NOX5: variants seen among roughly 807,000 people sequenced by gnomAD.
NOX5 encodes NADPH oxidase, EF-hand calcium binding domain 5.
NOX5 carries 76 observed loss-of-function variants against 85.7 expected under a neutral mutation model. The ratio of observed to expected loss-of-function variants is 0.89; its 90% CI spans 0.74 to 1.07. NOX5 has a LOEUF of 1.07. NOX5 is among the 50% of genes least tolerant of loss of function. NOX5 has a pLI of 0.00. For synonymous variants in NOX5, 405 were observed against 401.4 expected (o/e 1.01, Z -0.11); for missense variants, 973 against 999.5 (o/e 0.97, Z 0.36).
At chr15:69,033,676 GTTTTTTTTTTTCTTTCTTTTTTTTC>G (rs2050471838) in intron 5 of NOX5, among the ~76,000 whole-genome samples, 1 of 135,036 alleles carries the variant, frequency 7.4e-6, no homozygotes, top group Non-Finnish European at 1.6e-5. Context: ...TCTAAGAGGT[GTTTTTTTTTTTCTTTCTTTTTTTTC>G]TTTTTTTTTT....
intron 7 of NOX5, 92 bp downstream of exon 7, chr15:69,036,028 G>A: frequency 2.6e-6 from 4 of 1,545,816 alleles, no homozygotes; most frequent in Non-Finnish European, 1.8e-6. Flanking sequence ...CAGAGCCCAG[G>A]AAGGTCCCAA....
At chr15:69,047,387 C>T (rs1342920781) in intron 11 of NOX5, 26 bp from the exon 12 acceptor site, 1 of 1,559,702 alleles carries the variant, frequency 6.4e-7, no homozygotes, top group Middle Eastern at 1.7e-4. Flanking sequence ...CCCCATCTCT[C>T]TTCTCTGATG....
rs1022686125 is a variant in NOX5, at chr15:69,025,182, T to G, written c.51-1346T>G. The stretch of plus-strand genomic sequence containing the variant: ...TGCCTTGTTTTATGTGTGTTTCTAT[T>G]TAAAGACACCTTTAAAATATGTATT... On this transcript the variant is annotated intron_variant, in intron 1 of 15. Coordinates refer to ENST00000388866, the MANE Select transcript of NOX5 (RefSeq NM_024505.4). Among the ~76,000 whole-genome samples, 19 of 152,334 alleles carry G rather than the reference T, an allele frequency of 1.2e-4. No individual in the cohort carries two copies. In the East Asian group the frequency reaches 3.5e-3, roughly 28 times the overall value.
At chr15:69,045,302 A>G (rs1191152729) in intron 10 of NOX5, among the ~76,000 whole-genome samples, 1 of 152,256 alleles carries the variant, frequency 6.6e-6, no homozygotes, top group African/African-American at 2.4e-5. Context: ...AATTGTATTC[A>G]AAACAAGTCA....
chr15:69,030,415 C>T (rs2050413611), intron 3 of NOX5: 1 of 152,050 alleles, frequency 6.6e-6, no homozygotes, highest in Admixed American at 6.6e-5. Flanking sequence ...CTGGCTTCAC[C>T]CAGGGATGGG....
intron 1 of NOX5, among the ~76,000 whole-genome samples, chr15:69,021,606 G>A (rs1036856836): frequency 1.3e-4 from 20 of 152,132 alleles, no homozygotes; most frequent in Non-Finnish European, 2.1e-4. Flanking sequence ...GTGAGCCACC[G>A]CACCTAGCCT....
rs1466137058 is a variant in NOX5, at chr15:69,055,403, T to C, written c.2069T>C (p.Leu690Pro). The change falls in exon 15 of 16, where the codon CTG (leucine) becomes CCG (proline). Residue 690 changes from leucine to proline, a missense_variant. Coordinates refer to ENST00000388866, the MANE Select transcript of NOX5 (RefSeq NM_024505.4). ...LGKNDMKAIG[L>P]QMALDLLANK... ...AAGAATGACATGAAGGCCATTGGCCTGCAGATGGCCCTTGACCTCCTGGCC... is the reference window on the plus strand; with the variant it reads ...AAGAATGACATGAAGGCCATTGGCCCGCAGATGGCCCTTGACCTCCTGGCC... The C allele has an allele frequency of 3.7e-6, 6 of 1,614,072 alleles. No individual in the cohort carries two copies. The highest frequency in any genetic ancestry group is 5.1e-6 in the Non-Finnish European group (6 of 1,180,028).
intron 1 of NOX5, among the ~76,000 whole-genome samples, chr15:69,017,757 CTT>C (rs750292984): frequency 2.0e-5 from 3 of 151,244 alleles, no homozygotes; most frequent in Non-Finnish European, 2.9e-5. Flanking sequence ...TAGTTTGACT[CTT>C]TGTTGATATA....
chr15:69,022,585 A>C, intron 1 of NOX5: 1 of 163,656 alleles, frequency 6.1e-6, no homozygotes, highest in Admixed American at 6.3e-5. Flanking sequence ...TTCAGGTTAC[A>C]TGGTACAGGA....
At position 69,047,423 on chromosome 15, in the gene NOX5, A is replaced by T. The variant is rs1192433683; in HGVS notation, c.1703A>T (p.Asp568Val). 1 of 1,613,400 alleles carries T rather than the reference A, an allele frequency of 6.2e-7. No individual in the cohort carries two copies. The stretch of plus-strand genomic sequence containing the variant: ...CCCTCTTGTGCACAGTGCTACATCG[A>T]TGGGCCTTATGGGACCCCCACCCGC... ...HKFCNIKCYIDGPYGTPTRRI... is the reference protein window; with the variant it reads ...HKFCNIKCYIVGPYGTPTRRI... The change falls in exon 12 of 16, where the codon GAT (aspartate) becomes GTT (valine). Residue 568 changes from aspartate (D) to valine (V), a missense_variant. Transcript: ENST00000388866.
At position 69,026,453 on chromosome 15, in the gene NOX5, G is replaced by T. The variant is rs1426320211; in HGVS notation, c.51-75G>T. The T allele has an allele frequency of 3.8e-6, 6 of 1,596,378 alleles. No homozygotes were observed. The East Asian group carries it at 1.3e-4, about 36-fold the overall frequency. ...GGGCCCTAGTTAGAGCAAGGCAGAG[G>T]CCCTGGGACCACCATGAGACCTCAT... On this transcript the variant is annotated intron_variant, in intron 1 of 15. Coordinates refer to ENST00000388866, the MANE Select transcript of NOX5 (RefSeq NM_024505.4).
At chr15:69,038,489 T>C in intron 8 of NOX5, 1 of 309,852 alleles carries the variant, frequency 3.2e-6, no homozygotes, top group East Asian at 9.0e-5. Flanking sequence ...TGCCCATTGA[T>C]GGTTAGAATG....
intron 6 of NOX5, 54 bp from the exon 7 acceptor site, chr15:69,035,704 G>A (rs2050506160): frequency 1.3e-6 from 2 of 1,591,932 alleles, no homozygotes; most frequent in Non-Finnish European, 1.7e-6. Context: ...ATGGGAAGGT[G>A]GAGTGGGAAG....
chr15:69,024,548 A>G (rs1390869405), intron 1 of NOX5, among the ~76,000 whole-genome samples: 1 of 152,198 alleles, frequency 6.6e-6, no homozygotes, highest in Non-Finnish European at 1.5e-5. Context: ...AAGAAGGGTT[A>G]GTACAGTAAA....
chr15:69,032,829 T>C (rs2140259358), intron 4 of NOX5, among the ~76,000 whole-genome samples: 1 of 152,304 alleles, frequency 6.6e-6, no homozygotes, highest in Admixed American at 6.5e-5. Context: ...AAAATAGCGG[T>C]GGTTGTGGCA....
intron 15 of NOX5, among the ~76,000 whole-genome samples, chr15:69,055,880 C>T (rs1243442432): frequency 1.3e-5 from 2 of 152,188 alleles, no homozygotes; most frequent in Non-Finnish European, 2.9e-5. Flanking sequence ...AAATCGTTTG[C>T]AATCCTTTTA....
rs1051309156 is a variant in NOX5 at position 69,060,891 on chromosome 15, T to C, written c.*4195T>C. ...GGCCCAGATGTGTCTACAGCATTGTTAACATCTGGTGAAAGGAGAAAAGTC... is the reference window on the plus strand; with the variant it reads ...GGCCCAGATGTGTCTACAGCATTGTCAACATCTGGTGAAAGGAGAAAAGTC... On this transcript the variant is annotated 3_prime_UTR_variant, in exon 16 of 16. Transcript: ENST00000388866. 2 of 152,212 alleles carry C rather than the reference T, an allele frequency of 1.3e-5. No homozygotes were observed. Among genetic ancestry groups the C allele is most frequent in the Non-Finnish European group, 2.9e-5 (2 of 68,036 alleles). The allele number at this position is 152,212 out of a possible 1,614,324, so 9.4% of individuals were successfully genotyped here. A position where few individuals can be genotyped will look rare whatever the true frequency, so the allele number is the denominator to read the frequency against.
intron 4 of NOX5, among the ~76,000 whole-genome samples, chr15:69,032,248 C>A (rs368709871): frequency 6.6e-6 from 1 of 152,052 alleles, no homozygotes; most frequent in Non-Finnish European, 1.5e-5. Flanking sequence ...CCATTCCAGA[C>A]GAAGAGACAT....
At chr15:69,052,236 A>G (rs1434414457) in intron 14 of NOX5, among the ~76,000 whole-genome samples, 2 of 151,546 alleles carry the variant, frequency 1.3e-5, no homozygotes, top group African/African-American at 4.9e-5. Context: ...AAAAAAATAG[A>G]AGGTTTGAAT....
Sources: gnomAD v4.1 joint callset for allele counts (sites outside exome capture counted in the v4.1 genomes callset) on GRCh38, gnomAD v4.1.1 for gene constraint, MANE v1.5 for transcripts, NCBI Gene and HGNC (gene_info 2026-07-23, HGNC 2026-07-21) for gene names.